DRP2: variants seen among roughly 807,000 people sequenced by gnomAD.
The protein encoded by DRP2 is dystrophin-related protein 2.
DRP2 carries 29 observed loss-of-function variants against 78.2 expected under a neutral mutation model. That is an observed-to-expected ratio of 0.37 (90% confidence interval 0.28 to 0.51). The LOEUF (loss-of-function observed/expected upper bound fraction) is 0.51. Among genes scored for constraint, DRP2 ranks in the 20% least tolerant of loss-of-function variants. The pLI is 0.94. For synonymous variants in DRP2, 290 were observed against 281.9 expected (o/e 1.03, Z -0.29); for missense variants, 686 against 770.6 (o/e 0.89, Z 1.30).
At position 101,237,679 on chromosome X, in the gene DRP2, T is replaced by C; in HGVS notation, c.342T>C (p.Ile114=). 8.5e-7 allele frequency: 1 copy of C among 1,176,960 alleles called. No homozygotes were observed. ...SGKLQLPLQE[I]IDWLSQKDEE... ...AGCTTCAGCTCCCTCTTCAAGAGAT[T>C]ATTGACTGGCTCAGCCAAAAGGATG... is the stretch of plus-strand genomic sequence containing the variant. The change falls in exon 5 of 24, where the codon ATT becomes ATC. Residue 114 remains isoleucine, a synonymous_variant. Coordinates refer to ENST00000395209, the MANE Select transcript of DRP2 (RefSeq NM_001939.3).
At chrX:101,226,745 C>T (rs1294931030) in intron 2 of DRP2, among the ~76,000 whole-genome samples, 2 of 111,544 alleles carry the variant, frequency 1.8e-5, no homozygotes, top group Non-Finnish European at 3.8e-5. Context: ...CACCTTAGCT[C>T]GAAAGCTTCT....
At chrX:101,230,142 C>T (rs1922250881) in intron 2 of DRP2, among the ~76,000 whole-genome samples, 1 of 112,225 alleles carries the variant, frequency 8.9e-6, no homozygotes, top group Non-Finnish European at 1.9e-5. Context: ...TTCATCCTCA[C>T]GGCAACTGCC....
chrX:101,252,701 G>A lies in DRP2; in HGVS notation c.1962G>A (p.Met654Ile), dbSNP rs1909974525. The A allele has an allele frequency of 4.1e-6, 5 of 1,209,140 alleles. No homozygotes were observed. Among genetic ancestry groups the A allele is most frequent in the Non-Finnish European group, 5.6e-6 (5 of 894,242 alleles). ...SKGNKLHYPI[M>I]EYYTPTTSSE... ...GCAATAAGCTGCACTACCCCATCAT[G>A]GAGTATTACACACCGGTATGAAGCC... The change falls in exon 17 of 24, where the codon ATG becomes ATA. Residue 654 changes from methionine to isoleucine, a missense_variant. By Grantham distance (10) the Met-to-Ile change is conservative. Coordinates refer to ENST00000395209, the MANE Select transcript of DRP2 (RefSeq NM_001939.3).
intron 4 of DRP2, among the ~76,000 whole-genome samples, chrX:101,237,029 C>T (rs1456333299): frequency 9.0e-6 from 1 of 111,453 alleles, no homozygotes; most frequent in East Asian, 2.8e-4. Flanking sequence ...GATAATTATA[C>T]AGTACAGATT....
chrX:101,222,793 T>A (rs1266323955), intron 1 of DRP2, among the ~76,000 whole-genome samples: 130 of 112,060 alleles, frequency 1.2e-3, no homozygotes, highest in Middle Eastern at 4.6e-3. Flanking sequence ...ACATTACCAG[T>A]AGAGTTGAAA....
Position 101,260,738 on chromosome X carries a change from T to G in DRP2, c.*117T>G, listed in dbSNP as rs1442752162. ...CTGGCCCCACATTCCTCAACTAGTA[T>G]TATTTGGGCTCTGGGCAGCAGCAGG... On this transcript the variant is annotated 3_prime_UTR_variant, in exon 24 of 24. Transcript: ENST00000395209. 63 of 969,132 alleles carry G rather than the reference T, an allele frequency of 6.5e-5. No homozygotes were observed. Among genetic ancestry groups the G allele is most frequent in the Non-Finnish European group, 8.6e-5 (62 of 720,189 alleles). 79.9% of individuals were successfully genotyped at this position (969,132 alleles called of 1,213,427 possible). A position where few individuals can be genotyped will look rare whatever the true frequency, so the allele number is the denominator to read the frequency against.
At chrX:101,240,906 C>T (rs950703639) in intron 6 of DRP2, among the ~76,000 whole-genome samples, 1 of 111,696 alleles carries the variant, frequency 9.0e-6, no homozygotes, top group Non-Finnish European at 1.9e-5. Context: ...GAGGAGAGAT[C>T]TGAGGGAGGA....
At chrX:101,259,486 T>TTTATTTAATTAA (rs1556421969) in intron 22 of DRP2, among the ~76,000 whole-genome samples, 12 of 110,972 alleles carry the variant, frequency 1.1e-4, no homozygotes, top group African/African-American at 3.9e-4. Flanking sequence ...CCATTCTTTA[T>TTTATTTAATTAA]TTAATTAATT....
At chrX:101,248,375 T>TA in intron 13 of DRP2, 85 bp downstream of exon 13, 1 of 1,112,850 alleles carries the variant, frequency 9.0e-7, no homozygotes, top group Non-Finnish European at 1.2e-6. Flanking sequence ...GTTGCTCCCA[T>TA]AGTAGACTTG....
intron 15 of DRP2, 28 bp downstream of exon 15, chrX:101,250,608 G>A: frequency 8.6e-7 from 1 of 1,167,665 alleles, no homozygotes; most frequent in Non-Finnish European, 1.1e-6. Context: ...GAGTGGGGGA[G>A]GGAAGGGAGG....
At chrX:101,224,182 GTTTTTTTTGTTTTTTTTTTTTT>G (rs1318914566) in intron 1 of DRP2, among the ~76,000 whole-genome samples, 30 of 44,223 alleles carry the variant, frequency 6.8e-4, no homozygotes, top group Non-Finnish European at 1.1e-3. Context: ...TGTTTGCTGG[GTTTTTTTTGTTTTTTTTTTTTT>G]TTTTTTTTTT....
At chrX:101,232,321 G>A (rs1922336218) in intron 3 of DRP2, among the ~76,000 whole-genome samples, 1 of 111,529 alleles carries the variant, frequency 9.0e-6, no homozygotes, top group Non-Finnish European at 1.9e-5. Flanking sequence ...GGCAGGTAGA[G>A]GATGTGTGTG....
chrX:101,224,182 G>GTTTTTTTT (rs1214156680), intron 1 of DRP2, among the ~76,000 whole-genome samples: 14 of 44,220 alleles, frequency 3.2e-4, no homozygotes, highest in South Asian at 1.2e-3. Context: ...TGTTTGCTGG[G>GTTTTTTTT]TTTTTTTTGT....
At chrX:101,257,429 T>TTAA (rs1470483081) in intron 21 of DRP2, among the ~76,000 whole-genome samples, 10 of 51,447 alleles carry the variant, frequency 1.9e-4, no homozygotes, top group Non-Finnish European at 3.3e-4. Context: ...CAAGGCAAGA[T>TTAA]AAAAAAAAAA....
intron 1 of DRP2, among the ~76,000 whole-genome samples, 183 bp downstream of exon 1, chrX:101,220,329 G>C (rs1467781347): frequency 1.9e-5 from 2 of 106,018 alleles, no homozygotes; most frequent in East Asian, 5.9e-4. Context: ...GTGCCTGCCT[G>C]CGGTCTGCTT....
At chrX:101,251,916 T>C (rs1602931770) in intron 16 of DRP2, 1 of 111,983 alleles carries the variant, frequency 8.9e-6, no homozygotes, top group East Asian at 2.8e-4. Context: ...ACTTTTTACC[T>C]TTGTAAAACA....
rs142652091 is a variant in DRP2 at position 101,242,900 on chromosome X, A to G, written c.976-4A>G. 3,237 of 1,207,673 alleles carry G rather than the reference A, an allele frequency of 2.7e-3. 25 individuals are homozygous for G. The African/African-American group carries it at 0.035, about 13-fold the overall frequency. ...CTACTGACCTCACCCTGTTCTTTCC[A>G]TAGGCGTCAGTTAGTGAGAGGCTTA... is the stretch of plus-strand genomic sequence containing the variant. On this transcript the variant is annotated splice_region_variant and splice_polypyrimidine_tract_variant and intron_variant, in intron 8 of 23. Transcript: ENST00000395209.
Position 101,241,857 on chromosome X carries a change from C to G in DRP2, c.749C>G (p.Ala250Gly). ...GAACTAAGCACTACTCTGAGCCAAG[C>G]TGAGGGAGTCCGAGCCACTTGGGAG... Reference protein sequence around the residue: ...MEELSTTLSQAEGVRATWEPI... With the variant: ...MEELSTTLSQGEGVRATWEPI... The change falls in exon 7 of 24, where the codon GCT (alanine) becomes GGT (glycine). Residue 250 changes from alanine (A) to glycine (G), a missense_variant. Around this residue, in one of 2 missense-constraint regions of DRP2, gnomAD observed 263 missense variants for 239.1 expected, o/e 1.10. Transcript: ENST00000395209. 1 of 1,190,874 alleles carries G rather than the reference C, an allele frequency of 8.4e-7. No homozygotes were observed. The highest frequency in any genetic ancestry group is 1.1e-6 in the Non-Finnish European group (1 of 885,152).
intron 1 of DRP2, among the ~76,000 whole-genome samples, chrX:101,224,191 G>GTTTTGTTTTTTTTTTTTTTTT (rs1922007763): frequency 1.0e-4 from 4 of 38,882 alleles, no homozygotes; most frequent in African/African-American, 3.8e-4. Context: ...GGTTTTTTTT[G>GTTTTGTTTTTTTTTTTTTTTT]TTTTTTTTTT....
Sources: gnomAD v4.1 joint callset for allele counts (sites outside exome capture counted in the v4.1 genomes callset) on GRCh38, gnomAD v4.1.1 for gene constraint, gnomAD v4.1.1 regional missense constraint, MANE v1.5 for transcripts, NCBI Gene and HGNC (gene_info 2026-07-23, HGNC 2026-07-21) for gene names.